NSD2: variants seen among roughly 807,000 people sequenced by gnomAD.
The protein encoded by NSD2 is histone-lysine N-methyltransferase NSD2.
Under a neutral mutation model 139.0 loss-of-function variants are expected in NSD2, and 12 were observed. The ratio of observed to expected loss-of-function variants is 0.09; its 90% confidence interval spans 0.06 to 0.14. The LOEUF is 0.14. Among genes scored for constraint, NSD2 ranks in the 10% least tolerant of loss-of-function variants. The pLI is 1.00. For missense variants in NSD2, 1,155 were observed against 1,745.0 expected, an observed-to-expected ratio of 0.66 and a Z score of 6.02; for synonymous variants, 669 against 648.7, an observed-to-expected ratio of 1.03 and a Z score of -0.48.
At chr4:1,934,295 G>C (rs1297990465) in intron 6 of NSD2, among the ~76,000 whole-genome samples, 1 of 151,596 alleles carries the variant, frequency 6.6e-6, no homozygotes, top group Non-Finnish European at 1.5e-5. Context: ...ATGTTGGTCA[G>C]GCTGGTCTCA....
intron 3 of NSD2, among the ~76,000 whole-genome samples, chr4:1,904,852 C>T (rs773229335): frequency 1.3e-5 from 2 of 152,238 alleles, no homozygotes; most frequent in East Asian, 1.9e-4. Context: ...AATGTACGGC[C>T]GGGCACGGTG....
At chr4:1,917,117 C>CT (rs1719495784) in intron 4 of NSD2, 80 bp downstream of exon 4, 1 of 1,304,478 alleles carries the variant, frequency 7.7e-7, no homozygotes, top group Middle Eastern at 2.3e-4. Context: ...TTGTTTTGAA[C>CT]TTATACTTGC....
rs192057086 is a variant in NSD2, at chr4:1,934,577, C to T, written c.1556-567C>T. ...TAAATTATAATTATAAGGCCAGGCG[C>T]GGTGGCTCACGCCTGTAATCCCAGC... On this transcript the variant is annotated intron_variant, in intron 6 of 21. Transcript: ENST00000508803. Among the ~76,000 whole-genome samples, 579 of 150,112 alleles carry T rather than the reference C, an allele frequency of 3.9e-3. 5 individuals carry two copies. The highest frequency in any genetic ancestry group is 0.013 in the African/African-American group (543 of 41,028).
chr4:1,945,810 C>G (rs1057153106), intron 9 of NSD2: 2 of 1,064,228 alleles, frequency 1.9e-6, no homozygotes, highest in Non-Finnish European at 2.3e-6. Flanking sequence ...GCCACGGATT[C>G]CCCTCGCTGG....
chr4:1,979,062 AC>A lies in NSD2; in HGVS notation c.*154del, dbSNP rs1560828563. ...CCTCGGGAGGGAGCGCCTCCCCACCACTGAGCCATCCTCAGCAGCGTCCGCT... is the reference window on the plus strand; with the variant it reads ...CCTCGGGAGGGAGCGCCTCCCCACCATGAGCCATCCTCAGCAGCGTCCGCT... On this transcript the variant is annotated 3_prime_UTR_variant, in exon 22 of 22. Coordinates refer to ENST00000508803, the MANE Select transcript of NSD2 (RefSeq NM_001042424.3). 1 of 962,206 alleles carries A rather than the reference AC, an allele frequency of 1.0e-6. No homozygotes were observed. Among genetic ancestry groups the A allele is most frequent in the Non-Finnish European group, 1.5e-6 (1 of 688,500 alleles). The allele number at this position is 962,206 out of a possible 1,614,324, so 59.6% of individuals were successfully genotyped here.
At chr4:1,945,361 T>TGCCCTG (rs770343907) in intron 9 of NSD2, 1 of 1,065,360 alleles carries the variant, frequency 9.4e-7, no homozygotes, top group Non-Finnish European at 1.1e-6. Flanking sequence ...GCTCCTGTGC[T>TGCCCTG]GCCCTGGCCC....
At chr4:1,926,142 G>A (rs1720880565) in intron 5 of NSD2, among the ~76,000 whole-genome samples, 1 of 148,632 alleles carries the variant, frequency 6.7e-6, no homozygotes, top group South Asian at 2.1e-4. Flanking sequence ...CAGGCTTTTT[G>A]GGCCTGAATT....
At chr4:1,957,442 C>T (rs1409188606) in intron 15 of NSD2, among the ~76,000 whole-genome samples, 1 of 151,076 alleles carries the variant, frequency 6.6e-6, no homozygotes, top group Non-Finnish European at 1.5e-5. Flanking sequence ...TGCCATCATG[C>T]CTGGCTAATT....
Position 1,979,181 on chromosome 4 carries a change from A to C in NSD2, c.*272A>C. 2 of 385,278 alleles carry C rather than the reference A, an allele frequency of 5.2e-6. No individual in the cohort carries two copies. Among genetic ancestry groups the C allele is most frequent in the Non-Finnish European group, 9.2e-6 (2 of 218,330 alleles). 23.9% of individuals were successfully genotyped at this position (385,278 alleles called of 1,614,324 possible). A position where few individuals can be genotyped will look rare whatever the true frequency, so the allele number is the denominator to read the frequency against. ...TTACCGCCACACTTGAATTTCTCCG[A>C]ATGTCAAGGTTCCCTCCCACTCTAT... On this transcript the variant is annotated 3_prime_UTR_variant, in exon 22 of 22. Coordinates refer to ENST00000508803, the MANE Select transcript of NSD2 (RefSeq NM_001042424.3).
At chr4:1,919,607 GTC>G (rs1255136234) in intron 5 of NSD2, among the ~76,000 whole-genome samples, 1 of 151,952 alleles carries the variant, frequency 6.6e-6, no homozygotes, top group African/African-American at 2.4e-5. Context: ...CCATTCAGTA[GTC>G]TAAATCTATG....
In NSD2 at chr4:1,981,174, G is replaced by GCAAA; in HGVS notation, c.*2268_*2271dup. ...TTATGATTTTTCTGAAGGAAATAAT[G>GCAAA]CAAACATTTTAAATATGTTTCTCCC... On this transcript the variant is annotated 3_prime_UTR_variant, in exon 22 of 22. Coordinates refer to ENST00000508803, the MANE Select transcript of NSD2 (RefSeq NM_001042424.3). The GCAAA allele has an allele frequency of 4.3e-6, 1 of 233,286 alleles. No homozygotes were observed. Among genetic ancestry groups the GCAAA allele is most frequent in the Non-Finnish European group, 8.5e-6 (1 of 118,044 alleles). The allele number at this position is 233,286 out of a possible 1,614,324, so 14.5% of individuals were successfully genotyped here.
intron 9 of NSD2, chr4:1,945,912 A>G: frequency 9.4e-7 from 1 of 1,058,900 alleles, no homozygotes; most frequent in African/African-American, 1.6e-5. Context: ...CTTACAACAC[A>G]CTTCTCTAAC....
chr4:1,926,906 A>G (rs1160980499), intron 5 of NSD2, among the ~76,000 whole-genome samples: 1 of 152,150 alleles, frequency 6.6e-6, no homozygotes, highest in Non-Finnish European at 1.5e-5. Flanking sequence ...ATAACATGTT[A>G]CCTCAAAACT....
At chr4:1,950,411 C>A (rs1471953524) in intron 9 of NSD2, among the ~76,000 whole-genome samples, 2 of 152,170 alleles carry the variant, frequency 1.3e-5, no homozygotes, top group African/African-American at 4.8e-5. Context: ...CTTGCCTTTG[C>A]CCACCTCACT....
At chr4:1,913,813 T>C (rs1255968774) in intron 3 of NSD2, among the ~76,000 whole-genome samples, 1 of 152,122 alleles carries the variant, frequency 6.6e-6, no homozygotes, top group African/African-American at 2.4e-5. Flanking sequence ...CCAGCTGTCT[T>C]TTCTTCAATC....
Position 1,980,298 on chromosome 4 carries a change from G to C in NSD2, c.*1389G>C, listed in dbSNP as rs1005635937. On this transcript the variant is annotated 3_prime_UTR_variant, in exon 22 of 22. Transcript: ENST00000508803. ...TTTTTTTGAGGGATCCTTGACCCTG[G>C]GAAGTCTGGAGCACCCTGAGAAGGG... 1 of 233,100 alleles carries C rather than the reference G, an allele frequency of 4.3e-6. No homozygotes were observed. The highest frequency in any genetic ancestry group is 8.5e-6 in the Non-Finnish European group (1 of 118,032). 14.4% of individuals were successfully genotyped at this position (233,100 alleles called of 1,614,324 possible). A position where few individuals can be genotyped will look rare whatever the true frequency, so the allele number is the denominator to read the frequency against.
At chr4:1,953,164 A>G (rs1045818928) in intron 11 of NSD2, 160 bp from the exon 12 acceptor site, 3 of 1,552,870 alleles carry the variant, frequency 1.9e-6, no homozygotes, top group African/African-American at 1.4e-5. Flanking sequence ...TTTTTGCTGG[A>G]GAATGCTTGG....
intron 11 of NSD2, chr4:1,952,914 C>G: frequency 7.1e-7 from 1 of 1,403,006 alleles, no homozygotes; most frequent in African/African-American, 1.4e-5. Flanking sequence ...CCATGGCAGC[C>G]CCACAGCAGC....
chr4:1,934,637 C>T (rs1722086042), intron 6 of NSD2, among the ~76,000 whole-genome samples: 1 of 149,488 alleles, frequency 6.7e-6, no homozygotes, highest in Non-Finnish European at 1.5e-5. Context: ...ATCACGAGGA[C>T]AGGAGTTCGA....
Sources: gnomAD v4.1 joint callset for allele counts (sites outside exome capture counted in the v4.1 genomes callset) on GRCh38, gnomAD v4.1.1 for gene constraint, MANE v1.5 for transcripts, NCBI Gene and HGNC (gene_info 2026-07-23, HGNC 2026-07-21) for gene names.